Variants in TASP1 observed in about 807,000 individuals in gnomAD.
TASP1 encodes the protein threonine aspartase 1.
TASP1 carries 16 observed loss-of-function variants against 56.6 expected under a neutral mutation model. That is an observed-to-expected ratio of 0.28 (90% CI 0.19 to 0.43). The LOEUF is 0.43. Ranked by LOEUF, TASP1 falls within the 20% of genes least tolerant of loss-of-function variation. TASP1 has a pLI of 1.00. For synonymous variants in TASP1, 179 were observed against 184.2 expected (o/e 0.97, Z 0.23); for missense variants, 393 against 511.6 (o/e 0.77, Z 2.24).
At chr20:13,243,564 G>A in the TASP1 span, among the ~76,000 whole-genome samples, 387 of 152,100 alleles carry the variant, frequency 2.5e-3, 4 homozygotes, top group African/African-American at 8.7e-3. Flanking sequence ...TTGACCTCTA[G>A]GTCTCTCTTA....
the TASP1 span, chr20:13,270,647 A>G: frequency 6.2e-7 from 1 of 1,613,986 alleles, no homozygotes; most frequent in Admixed American, 1.7e-5. Flanking sequence ...GGCACCCTTC[A>G]TTGCAAAGAG....
chr20:13,332,845 G>A, the TASP1 span, among the ~76,000 whole-genome samples: 2 of 152,138 alleles, frequency 1.3e-5, no homozygotes, highest in South Asian at 2.1e-4. Context: ...TGGTGTGAAC[G>A]GAAAGTTTGG....
the TASP1 span, among the ~76,000 whole-genome samples, chr20:13,297,830 C>T: frequency 6.6e-6 from 1 of 152,176 alleles, no homozygotes; most frequent in Non-Finnish European, 1.5e-5. Context: ...CACAACCCTT[C>T]TGGGGGTAGA....
chr20:13,345,759 C>T, the TASP1 span, among the ~76,000 whole-genome samples: 2 of 152,006 alleles, frequency 1.3e-5, no homozygotes, highest in African/African-American at 2.4e-5. Flanking sequence ...TCCACTGATT[C>T]CCCAAACCTA....
the TASP1 span, among the ~76,000 whole-genome samples, chr20:13,144,763 G>C: frequency 6.6e-6 from 1 of 152,082 alleles, no homozygotes; most frequent in Non-Finnish European, 1.5e-5. Flanking sequence ...ATGTGTGTGT[G>C]TGTGTATATA....
At chr20:13,454,917 C>G (rs942623634) in intron 11 of TASP1, among the ~76,000 whole-genome samples, 1 of 152,000 alleles carries the variant, frequency 6.6e-6, no homozygotes, top group African/African-American at 2.4e-5. Context: ...AAATAAAGCC[C>G]TGAAAATGCC....
the TASP1 span, among the ~76,000 whole-genome samples, chr20:13,328,862 C>G: frequency 4.9e-4 from 75 of 152,156 alleles, no homozygotes; most frequent in African/African-American, 1.7e-3. Context: ...GGGCTTAATA[C>G]CTGGGTGATG....
At chr20:13,431,970 C>G (rs2042825844) in intron 12 of TASP1, among the ~76,000 whole-genome samples, 1 of 152,156 alleles carries the variant, frequency 6.6e-6, no homozygotes, top group African/African-American at 2.4e-5. Flanking sequence ...GACTTCTAAG[C>G]CTCCATGACT....
chr20:13,162,719 C>T, the TASP1 span, among the ~76,000 whole-genome samples: 1 of 152,192 alleles, frequency 6.6e-6, no homozygotes, highest in Non-Finnish European at 1.5e-5. Flanking sequence ...CATTCTCTCG[C>T]CTTTCAGATA....
At chr20:13,168,895 T>C in the TASP1 span, 3 of 152,088 alleles carry the variant, frequency 2.0e-5, no homozygotes, top group Non-Finnish European at 4.4e-5. Flanking sequence ...TTAAATATTT[T>C]TAGGTAATTA....
At chr20:13,361,443 T>G in the TASP1 span, among the ~76,000 whole-genome samples, 1 of 152,154 alleles carries the variant, frequency 6.6e-6, no homozygotes, top group Non-Finnish European at 1.5e-5. Context: ...GTCCTCCATC[T>G]TCAAGAAAAG....
the TASP1 span, among the ~76,000 whole-genome samples, chr20:13,280,659 G>A: frequency 2.6e-3 from 397 of 152,266 alleles, 1 homozygote; most frequent in African/African-American, 9.3e-3. Context: ...GGGAAAGAAA[G>A]GGAGCCTGGA....
intron 8 of TASP1, among the ~76,000 whole-genome samples, chr20:13,535,322 C>G (rs1033235018): frequency 3.9e-5 from 6 of 152,162 alleles, no homozygotes; most frequent in African/African-American, 1.4e-4. Flanking sequence ...TTCCCTAAAG[C>G]AAACTGGAAA....
At chr20:13,201,080 G>A in the TASP1 span, among the ~76,000 whole-genome samples, 1 of 152,212 alleles carries the variant, frequency 6.6e-6, no homozygotes, top group Non-Finnish European at 1.5e-5. Context: ...ACAGAGGACT[G>A]CAAGGGACAA....
intron 13 of TASP1, among the ~76,000 whole-genome samples, chr20:13,406,887 C>T (rs945404047): frequency 3.3e-5 from 5 of 151,934 alleles, no homozygotes; most frequent in African/African-American, 9.7e-5. Flanking sequence ...AGGATGGTCT[C>T]GAGCTCCTGA....
intron 10 of TASP1, among the ~76,000 whole-genome samples, chr20:13,515,216 T>C (rs2146750415): frequency 6.6e-6 from 1 of 152,180 alleles, no homozygotes; most frequent in East Asian, 1.9e-4. Flanking sequence ...GTCTTGGTAG[T>C]CTCCATACAT....
chr20:13,628,345 G>C (rs988479968), intron 2 of TASP1, among the ~76,000 whole-genome samples: 2 of 152,148 alleles, frequency 1.3e-5, no homozygotes, highest in Non-Finnish European at 2.9e-5. Context: ...TAACTCACTG[G>C]TATCATGGAA....
chr20:13,617,570 G>A (rs892859667), intron 4 of TASP1, among the ~76,000 whole-genome samples: 3 of 152,068 alleles, frequency 2.0e-5, no homozygotes, highest in African/African-American at 7.2e-5. Flanking sequence ...GGGGGCAGGG[G>A]GCGCTGGGGA....
the TASP1 span, among the ~76,000 whole-genome samples, chr20:13,345,185 C>T: frequency 1.3e-5 from 2 of 152,226 alleles, no homozygotes; most frequent in Non-Finnish European, 2.9e-5. Flanking sequence ...TAAAAATCAT[C>T]ATTCTCAGTC....
Sources: allele counts gnomAD v4.1 joint callset (sites outside exome capture counted in the v4.1 genomes callset), GRCh38; gene constraint gnomAD v4.1.1; transcripts MANE v1.5; gene names NCBI Gene and HGNC (gene_info 2026-07-23, HGNC 2026-07-21).